Variants in ZFPM2 observed in about 807,000 individuals in gnomAD.
ZFPM2 encodes zinc finger protein, FOG family member 2, also known as zinc finger protein ZFPM2.
A neutral mutation model predicts 98.6 loss-of-function variants in ZFPM2; 20 were observed. That is an observed-to-expected ratio of 0.20 (90% CI 0.14 to 0.29). The LOEUF (loss-of-function observed/expected upper bound fraction) is 0.29, where lower values mean the gene tolerates loss of function less well. ZFPM2 is among the 10% of genes least tolerant of loss of function. ZFPM2 has a pLI of 1.00. For missense variants in ZFPM2, 1,310 were observed against 1,388.6 expected (o/e 0.94, Z 0.90); for synonymous variants, 518 against 502.7 (o/e 1.03, Z -0.41).
chr8:105,580,821 C>CTATATATA lies in ZFPM2; in HGVS notation c.420+19341_420+19342insATATATAT, dbSNP rs1246550089. Among the ~76,000 whole-genome samples the CTATATATA allele has an allele frequency of 2.9e-4, 35 of 119,928 alleles. No individual in the cohort carries two copies. The South Asian group carries it at 4.2e-3, about 15-fold the overall frequency. The allele number at this position is 119,928 out of a possible 152,430, so 78.7% of individuals were successfully genotyped here. ...TCATTCTCTCTCTCTCTCTCTCTCT[C>CTATATATA]TCTCTCTATATATATATATATATAA... On this transcript the variant is annotated intron_variant, in intron 4 of 7. Transcript: ENST00000407775.
chr8:105,750,729 A>G (rs1250168090), intron 5 of ZFPM2, among the ~76,000 whole-genome samples: 1 of 151,990 alleles, frequency 6.6e-6, no homozygotes, highest in East Asian at 1.9e-4. Context: ...TTCCTGACTC[A>G]GAGGAAAAAC....
intron 4 of ZFPM2, among the ~76,000 whole-genome samples, chr8:105,601,093 G>C (rs17217757): frequency 0.19 from 28,677 of 151,928 alleles, 2,861 homozygotes; most frequent in South Asian, 0.26. Flanking sequence ...CTCTCACCCT[G>C]GGTTATGCTC....
chr8:105,482,738 T>A (rs944463160), intron 3 of ZFPM2, among the ~76,000 whole-genome samples: 10 of 152,188 alleles, frequency 6.6e-5, no homozygotes, highest in African/African-American at 2.4e-4. Context: ...TTACATGAAT[T>A]TGTTTCCTAA....
chr8:105,510,170 A>G (rs951600960), intron 3 of ZFPM2, among the ~76,000 whole-genome samples: 9 of 152,114 alleles, frequency 5.9e-5, no homozygotes, highest in African/African-American at 1.7e-4. Flanking sequence ...TTCCTTTGCT[A>G]CAGCAGAACC....
At chr8:105,771,950 A>G (rs1283202519) in intron 5 of ZFPM2, among the ~76,000 whole-genome samples, 1 of 152,188 alleles carries the variant, frequency 6.6e-6, no homozygotes, top group Non-Finnish European at 1.5e-5. Context: ...TTAAATGGTA[A>G]TAAGATTATG....
chr8:105,598,094 A>T (rs576176911), intron 4 of ZFPM2, among the ~76,000 whole-genome samples: 1 of 141,956 alleles, frequency 7.0e-6, no homozygotes, highest in Non-Finnish European at 1.5e-5. Context: ...GGTCAGAAAT[A>T]GCTGTGTTAT....
intron 5 of ZFPM2, among the ~76,000 whole-genome samples, chr8:105,646,519 G>C (rs569533989): frequency 1.2e-3 from 177 of 152,198 alleles, no homozygotes; most frequent in Non-Finnish European, 2.4e-3. Context: ...GAGGAGGTCT[G>C]TTCAATCTGC....
chr8:105,579,309 G>A lies in ZFPM2; in HGVS notation c.420+17828G>A, dbSNP rs530882486. 2.6e-5 allele frequency among the ~76,000 whole-genome samples: 4 copies of A among 152,252 alleles called. No individual in the cohort carries two copies. The East Asian group carries it at 7.7e-4, about 29-fold the overall frequency. ...AGATTAAATATGTAAAATCAAGTTA[G>A]AAAGTAAAAACTAGCCTTAAGATTT... is the stretch of plus-strand genomic sequence containing the variant. On this transcript the variant is annotated intron_variant, in intron 4 of 7. Transcript: ENST00000407775.
chr8:105,320,231 T>C (rs902384325), intron 1 of ZFPM2, among the ~76,000 whole-genome samples: 3 of 151,324 alleles, frequency 2.0e-5, no homozygotes, highest in Non-Finnish European at 2.9e-5. Context: ...TATAAACAGT[T>C]ATCAACAGTT....
intron 5 of ZFPM2, among the ~76,000 whole-genome samples, chr8:105,778,114 GT>G (rs1220359468): frequency 1.3e-5 from 2 of 152,148 alleles, no homozygotes; most frequent in Admixed American, 1.3e-4. Flanking sequence ...TAATTTATAA[GT>G]TCTATTCCTT....
intron 5 of ZFPM2, among the ~76,000 whole-genome samples, chr8:105,754,943 AAT>A (rs754604531): frequency 1.2e-4 from 15 of 125,568 alleles, no homozygotes; most frequent in East Asian, 5.1e-4. Context: ...GGAGAAATTT[AAT>A]ATGTGTGTGT....
chr8:105,477,118 T>TCAGTACAAGA (rs1813027320), intron 3 of ZFPM2, among the ~76,000 whole-genome samples: 1 of 152,166 alleles, frequency 6.6e-6, no homozygotes, highest in Non-Finnish European at 1.5e-5. Flanking sequence ...AAGATGTATA[T>TCAGTACAAGA]TCAACTGATA....
At chr8:105,369,506 G>A (rs753607019) in intron 1 of ZFPM2, among the ~76,000 whole-genome samples, 6 of 152,010 alleles carry the variant, frequency 3.9e-5, no homozygotes, top group Non-Finnish European at 8.8e-5. Context: ...GCCATTGAAC[G>A]CCAGCATATG....
intron 5 of ZFPM2, among the ~76,000 whole-genome samples, chr8:105,769,401 G>T (rs1369417769): frequency 1.3e-5 from 2 of 151,930 alleles, no homozygotes; most frequent in South Asian, 2.1e-4. Flanking sequence ...ACATTTCTGG[G>T]CCATGGCCAA....
chr8:105,331,929 T>G (rs1481482411), intron 1 of ZFPM2, among the ~76,000 whole-genome samples: 1 of 151,756 alleles, frequency 6.6e-6, no homozygotes, highest in Non-Finnish European at 1.5e-5. Flanking sequence ...GGACATCCCT[T>G]TGCAAATTAA....
intron 5 of ZFPM2, among the ~76,000 whole-genome samples, chr8:105,734,911 C>CAT: frequency 6.6e-6 from 1 of 150,922 alleles, no homozygotes. Context: ...TCTATATATA[C>CAT]ATATATATGG....
Position 105,634,357 on chromosome 8 carries a change from G to A in ZFPM2, c.532G>A (p.Gly178Arg). 6.2e-7 allele frequency: 1 copy of A among 1,607,956 alleles called. No individual in the cohort carries two copies. Among genetic ancestry groups the A allele is most frequent in the Non-Finnish European group, 8.5e-7 (1 of 1,176,714 alleles). The change falls in exon 5 of 8, where the codon GGG becomes AGG. Residue 178 changes from glycine (G) to arginine (R), a missense_variant and splice_region_variant. By Grantham distance (125) the Gly-to-Arg change is moderately radical. Coordinates refer to ENST00000407775, the MANE Select transcript of ZFPM2 (RefSeq NM_012082.4). ...AAACAACTGCATTGTGTACAGCAAA[G>A]GTAAATGCAAGATTGTTTCCCTCTC... Reference protein sequence around the residue: ...NKNNCIVYSKGGQLWCTTTKA... With the variant: ...NKNNCIVYSKRGQLWCTTTKA...
At chr8:105,661,978 A>C (rs1817398495) in intron 5 of ZFPM2, among the ~76,000 whole-genome samples, 1 of 149,552 alleles carries the variant, frequency 6.7e-6, no homozygotes, top group Non-Finnish European at 1.5e-5. Context: ...TCTTTGTAAG[A>C]AAAAAAAAAG....
chr8:105,496,482 G>A lies in ZFPM2; in HGVS notation c.301+52101G>A, dbSNP rs115183472. On this transcript the variant is annotated intron_variant, in intron 3 of 7. Transcript: ENST00000407775. Reference sequence around the variant, plus strand: ...TATCATGATTAGATTGAAGTTATGTGTTTGGGGCAAGAATAAAACAAAAAT... The same window carrying A: ...TATCATGATTAGATTGAAGTTATGTATTTGGGGCAAGAATAAAACAAAAAT... Among the ~76,000 whole-genome samples the A allele has an allele frequency of 5.4e-3, 818 of 152,104 alleles. 4 individuals are homozygous for A. Among genetic ancestry groups the A allele is most frequent in the African/African-American group, 0.018 (764 of 41,520 alleles).
Sources: gnomAD v4.1 joint callset for allele counts (sites outside exome capture counted in the v4.1 genomes callset) on GRCh38, gnomAD v4.1.1 for gene constraint, MANE v1.5 for transcripts, NCBI Gene and HGNC (gene_info 2026-07-23, HGNC 2026-07-21) for gene names.